The following RANBP2 variants were observed in gnomAD, a reference collection of about 807,000 sequenced individuals.
RANBP2 encodes the protein RAN binding protein 2.
A neutral mutation model predicts 303.6 loss-of-function variants in RANBP2; 57 were observed. The ratio of observed to expected loss-of-function variants is 0.19; its 90% CI spans 0.15 to 0.23. RANBP2 has a LOEUF of 0.23. RANBP2 is among the 10% of genes least tolerant of loss of function. The pLI is 1.00. For missense variants in RANBP2, 3,138 were observed against 3,780.8 expected (o/e 0.83, Z 4.46); for synonymous variants, 1,167 against 1,301.5 (o/e 0.90, Z 2.23).
the RANBP2 span, among the ~76,000 whole-genome samples, chr2:109,642,269 T>C: frequency 6.6e-6 from 1 of 152,198 alleles, no homozygotes; most frequent in Admixed American, 6.6e-5. Context: ...TATCATCATC[T>C]TTTTCCTCCC....
the RANBP2 span, among the ~76,000 whole-genome samples, chr2:109,492,929 G>A: frequency 6.6e-6 from 1 of 152,010 alleles, no homozygotes; most frequent in African/African-American, 2.4e-5. Context: ...ACACCCACAG[G>A]GAGAAGTGCC....
At chr2:109,085,568 G>T in the RANBP2 span, among the ~76,000 whole-genome samples, 2 of 150,006 alleles carry the variant, frequency 1.3e-5, no homozygotes, top group African/African-American at 4.9e-5. Flanking sequence ...CTCCCAAAGT[G>T]CTGGGATTAC....
the RANBP2 span, among the ~76,000 whole-genome samples, chr2:109,302,361 G>A: frequency 6.6e-6 from 1 of 152,232 alleles, no homozygotes; most frequent in Non-Finnish European, 1.5e-5. Flanking sequence ...ACAGCAAGGT[G>A]AAATGCTTGC....
chr2:109,684,474 C>T, the RANBP2 span, among the ~76,000 whole-genome samples: 6 of 150,648 alleles, frequency 4.0e-5, no homozygotes, highest in East Asian at 2.0e-4. Flanking sequence ...CTCCTGACCT[C>T]GTAATCCACC....
chr2:109,151,104 G>A, the RANBP2 span, among the ~76,000 whole-genome samples: 2 of 152,234 alleles, frequency 1.3e-5, no homozygotes, highest in Admixed American at 6.5e-5. Flanking sequence ...TATTTGCCCT[G>A]CATTTGGTGA....
At chr2:108,824,803 A>G in the RANBP2 span, among the ~76,000 whole-genome samples, 2 of 152,168 alleles carry the variant, frequency 1.3e-5, no homozygotes, top group Non-Finnish European at 2.9e-5. Flanking sequence ...ACACATGAAT[A>G]ATTTACTGCC....
chr2:109,181,393 G>A, the RANBP2 span, among the ~76,000 whole-genome samples: 7 of 152,258 alleles, frequency 4.6e-5, no homozygotes, highest in Non-Finnish European at 7.4e-5. Context: ...TGCCACTCAC[G>A]TCTTTTTTCT....
At chr2:109,567,854 C>T in the RANBP2 span, 8 of 1,611,988 alleles carry the variant, frequency 5.0e-6, no homozygotes, top group East Asian at 2.2e-5. Context: ...TGTCATCATC[C>T]GTTGGGAACT....
the RANBP2 span, among the ~76,000 whole-genome samples, chr2:109,146,897 C>A: frequency 4.1e-4 from 35 of 85,952 alleles, 1 homozygote; most frequent in Middle Eastern, 0.011. Flanking sequence ...CCCCCCCCCC[C>A]CCCCGCCCCA....
At chr2:108,945,751 A>C in the RANBP2 span, among the ~76,000 whole-genome samples, 7 of 152,240 alleles carry the variant, frequency 4.6e-5, no homozygotes, top group Admixed American at 3.3e-4. Context: ...TTTCTGACAC[A>C]TGCTACAGTA....
At chr2:108,853,879 A>C in the RANBP2 span, among the ~76,000 whole-genome samples, 4 of 123,110 alleles carry the variant, frequency 3.2e-5, no homozygotes, top group South Asian at 6.6e-4. Flanking sequence ...ATACTATATA[A>C]TATATTATAT....
At chr2:109,192,685 G>A in the RANBP2 span, among the ~76,000 whole-genome samples, 1 of 152,178 alleles carries the variant, frequency 6.6e-6, no homozygotes, top group African/African-American at 2.4e-5. Context: ...TCTTATAGAT[G>A]ACTGCATTTT....
At chr2:109,235,387 T>C in the RANBP2 span, among the ~76,000 whole-genome samples, 1 of 152,160 alleles carries the variant, frequency 6.6e-6, no homozygotes, top group Non-Finnish European at 1.5e-5. Context: ...CCTAATCTTT[T>C]CAAAGCCTTT....
chr2:108,966,353 C>A, the RANBP2 span, among the ~76,000 whole-genome samples: 1 of 152,246 alleles, frequency 6.6e-6, no homozygotes, highest in African/African-American at 2.4e-5. Flanking sequence ...TATGCTGAGA[C>A]TGGCATTAAG....
At chr2:108,991,855 G>A in the RANBP2 span, among the ~76,000 whole-genome samples, 1 of 152,168 alleles carries the variant, frequency 6.6e-6, no homozygotes, top group Non-Finnish European at 1.5e-5. Flanking sequence ...CGCCCAGACT[G>A]GAGTGCAGTA....
the RANBP2 span, among the ~76,000 whole-genome samples, chr2:109,402,866 G>A: frequency 1.3e-5 from 2 of 152,182 alleles, no homozygotes; most frequent in Admixed American, 6.5e-5. Context: ...CTCATTGAAC[G>A]TTGCACTGGG....
chr2:109,028,164 AG>A, the RANBP2 span, among the ~76,000 whole-genome samples: 1 of 152,136 alleles, frequency 6.6e-6, no homozygotes, highest in Non-Finnish European at 1.5e-5. Flanking sequence ...TCCACTACTC[AG>A]GAGGCTGAGG....
At chr2:109,470,279 AC>A in the RANBP2 span, among the ~76,000 whole-genome samples, 1 of 152,160 alleles carries the variant, frequency 6.6e-6, no homozygotes. Flanking sequence ...GACCCACAGC[AC>A]CCAGCAGCTC....
chr2:108,944,155 C>G, the RANBP2 span, among the ~76,000 whole-genome samples: 1 of 152,222 alleles, frequency 6.6e-6, no homozygotes, highest in Admixed American at 6.5e-5. Context: ...GCTCTGTCAG[C>G]CAGGCTGGAG....
Sources: gnomAD v4.1 joint callset for allele counts (sites outside exome capture counted in the v4.1 genomes callset) on GRCh38, gnomAD v4.1.1 for gene constraint, MANE v1.5 for transcripts, NCBI Gene and HGNC (gene_info 2026-07-23, HGNC 2026-07-21) for gene names.